The following CCNL1 variants were observed in gnomAD, a reference collection of about 807,000 sequenced individuals.
CCNL1 encodes cyclin L1.
Under a neutral mutation model 60.6 loss-of-function variants are expected in CCNL1, and 13 were observed. The observed-to-expected ratio is 0.21, with a 90% confidence interval of 0.14 to 0.34. CCNL1 has a LOEUF of 0.34. Among genes scored for constraint, CCNL1 ranks in the 10% least tolerant of loss-of-function variants. The pLI, the probability that CCNL1 is intolerant of heterozygous loss-of-function variation, is 1.00. For missense variants in CCNL1, 481 were observed against 664.3 expected (o/e 0.72, Z 3.03); for synonymous variants, 270 against 244.3 (o/e 1.10, Z -0.98).
intron 1 of CCNL1, 121 bp downstream of exon 1, chr3:157,159,671 C>T: frequency 2.7e-6 from 3 of 1,119,410 alleles, no homozygotes; most frequent in Non-Finnish European, 3.7e-6. Context: ...GGCTGGGCCC[C>T]GAACGGGAAA....
At chr3:157,153,392 C>T (rs996437402) in intron 3 of CCNL1, 50 of 383,546 alleles carry the variant, frequency 1.3e-4, no homozygotes, top group Non-Finnish European at 2.1e-4. Context: ...AAAATTCACT[C>T]TAATGTTCTT....
intron 2 of CCNL1, 36 bp downstream of exon 2, chr3:157,159,369 G>A (rs1738880199): frequency 6.3e-7 from 1 of 1,599,262 alleles, no homozygotes; most frequent in African/African-American, 1.3e-5. Flanking sequence ...ATTTCCGGAT[G>A]AAGAAATCCC....
At chr3:157,152,351 C>T (rs1577072450) in intron 4 of CCNL1, 110 bp from the exon 5 acceptor site, 8 of 1,488,252 alleles carry the variant, frequency 5.4e-6, no homozygotes, top group East Asian at 2.4e-5. Flanking sequence ...AATTGTGCAT[C>T]GATAATACAG....
chr3:157,152,112 C>T (rs970226519), intron 5 of CCNL1, 65 bp downstream of exon 5: 9 of 1,577,426 alleles, frequency 5.7e-6, no homozygotes, highest in African/African-American at 4.1e-5. Flanking sequence ...AAAGGGAAAA[C>T]GAAACTTACT....
chr3:157,152,691 T>A lies in CCNL1; in HGVS notation c.609+345A>T, dbSNP rs1179336133. On this transcript the variant is annotated intron_variant, in intron 4 of 10. Coordinates refer to ENST00000295926, the MANE Select transcript of CCNL1 (RefSeq NM_020307.4). ...CACTTAGAACATTCTACTATGATGA[T>A]AAGTGTGCCAGATACTTTTGTAGCT... The A allele has an allele frequency of 2.7e-6, 3 of 1,116,672 alleles. No homozygotes were observed. In the Admixed American group the frequency reaches 1.5e-4, roughly 55 times the overall value. 69.2% of individuals were successfully genotyped at this position (1,116,672 alleles called of 1,614,324 possible). A position where few individuals can be genotyped will look rare whatever the true frequency, so the allele number is the denominator to read the frequency against.
intron 3 of CCNL1, among the ~76,000 whole-genome samples, chr3:157,156,197 G>A (rs1430245239): frequency 6.6e-6 from 1 of 152,198 alleles, no homozygotes; most frequent in Non-Finnish European, 1.5e-5. Flanking sequence ...GAGGCATACT[G>A]CCAAGCAATA....
At position 157,159,981 on chromosome 3, in the gene CCNL1, TCCCGTCGTGGTC is replaced by T. The variant is rs773413695; in HGVS notation, c.102_113del (p.Thr35_Gly38del). On this transcript the variant is annotated inframe_deletion, in exon 1 of 11. Coordinates refer to ENST00000295926, the MANE Select transcript of CCNL1 (RefSeq NM_020307.4). ...ACAGGCGATCGCCGATCAGGATCCC[TCCCGTCGTGGTC>T]GTCGTCGTGGTCGTCGTCCCGGAGC... 4.4e-6 allele frequency: 7 copies of T among 1,587,920 alleles called. No homozygotes were observed. In the East Asian group the frequency reaches 1.4e-4, roughly 31 times the overall value.
In CCNL1 at chr3:157,160,073, T is replaced by C. The variant is rs1222975862; in HGVS notation, c.22A>G (p.Thr8Ala). 6 of 1,555,296 alleles carry C rather than the reference T, an allele frequency of 3.9e-6. No homozygotes were observed. The South Asian group carries it at 7.1e-5, about 18-fold the overall frequency. ...GAGGCGGCTGCGGCAGCAGTAGCTG[T>C]CGAATGAGGCCCGGACGCCATAGTC... The part of the protein sequence containing the change: MASGPHS[T>A]ATAAAAASSA... The change falls in exon 1 of 11, where the codon ACA becomes GCA. Residue 8 changes from threonine to alanine, a missense_variant. By Grantham distance (58) the Thr-to-Ala change is moderately conservative. Coordinates refer to ENST00000295926, the MANE Select transcript of CCNL1 (RefSeq NM_020307.4).
In CCNL1 at chr3:157,160,089, C is replaced by A. The variant is rs1426891925; in HGVS notation, c.6G>T (p.Ala2=). The A allele has an allele frequency of 6.5e-7, 1 of 1,548,256 alleles. No homozygotes were observed. Among genetic ancestry groups the A allele is most frequent in the East Asian group, 2.4e-5 (1 of 41,148 alleles). Residue 2 remains alanine (A), a synonymous_variant, in exon 1 of 11, where the codon GCG becomes GCT. Transcript: ENST00000295926. M[A]SGPHSTATAA... ...CAGTAGCTGTCGAATGAGGCCCGGA[C>A]GCCATAGTCTTAGCGAGCCGCACGC...
chr3:157,143,844 C>A (rs887215424), downstream of CCNL1, among the ~76,000 whole-genome samples: 13 of 151,996 alleles, frequency 8.6e-5, no homozygotes, highest in African/African-American at 3.1e-4. Context: ...ACAGAAAAAG[C>A]GAGGTTGATG....
At position 157,149,397 on chromosome 3, in the gene CCNL1, C is replaced by A. The variant is rs372023879; in HGVS notation, c.1134-12G>T. 3.7e-6 allele frequency: 6 copies of A among 1,612,476 alleles called. No homozygotes were observed. In the African/African-American group the frequency reaches 8.0e-5, roughly 22 times the overall value. On this transcript the variant is annotated splice_polypyrimidine_tract_variant and intron_variant, in intron 9 of 10. Coordinates refer to ENST00000295926, the MANE Select transcript of CCNL1 (RefSeq NM_020307.4). ...TGTCTTTTCTTACACTTCAAAAAAT[C>A]ATGACATATTAGTTACAAACTTAGT...
downstream of CCNL1, among the ~76,000 whole-genome samples, chr3:157,147,110 T>C (rs1276536225): frequency 6.6e-6 from 1 of 152,226 alleles, no homozygotes; most frequent in Admixed American, 6.5e-5. Context: ...TGTGGGTGTA[T>C]TTTATTTCTT....
In CCNL1 at chr3:157,148,164, T is replaced by C; in HGVS notation, c.*77A>G. The C allele has an allele frequency of 6.6e-7, 1 of 1,519,252 alleles. No individual in the cohort carries two copies. 94.1% of individuals were successfully genotyped at this position (1,519,252 alleles called of 1,614,324 possible). A position where few individuals can be genotyped will look rare whatever the true frequency, so the allele number is the denominator to read the frequency against. On this transcript the variant is annotated 3_prime_UTR_variant, in exon 11 of 11. Transcript: ENST00000295926. ...CAAATCCTAATCAGTTTGCGTTTAA[T>C]GTTTTTGATTGAGTCCATACATCAC...
chr3:157,151,515 T>A, intron 5 of CCNL1: 1 of 985,912 alleles, frequency 1.0e-6, no homozygotes, highest in Non-Finnish European at 1.2e-6. Flanking sequence ...TTATATAAAT[T>A]AAGCCAGTGT....
chr3:157,152,485 A>G, intron 4 of CCNL1: 2 of 1,198,286 alleles, frequency 1.7e-6, no homozygotes, highest in Non-Finnish European at 2.1e-6. Flanking sequence ...AATATTTTTC[A>G]TTGGCACTTT....
intron 3 of CCNL1, chr3:157,154,036 G>A (rs2108125593): frequency 6.6e-6 from 1 of 152,146 alleles, no homozygotes; most frequent in East Asian, 1.9e-4. Context: ...ACATATTCAA[G>A]GGCTCTGTAC....
At chr3:157,149,642 G>C in intron 8 of CCNL1, 46 bp from the exon 9 acceptor site, 8 of 1,559,356 alleles carry the variant, frequency 5.1e-6, no homozygotes, top group African/African-American at 1.4e-5. Flanking sequence ...GGATTTAACA[G>C]AGGGCCAAAA....
chr3:157,159,831 C>T lies in CCNL1; in HGVS notation c.264G>A (p.Glu88=). ...SETDLRILGC[E]LIQAAGILLR... ...GGAGAATGCCGGCGGCCTGGATGAG[C>T]TCGCAGCCCAGGATGCGTAAGTCCG... Residue 88 remains glutamate, a synonymous_variant, in exon 1 of 11, where the codon GAG becomes GAA. Transcript: ENST00000295926. 1 of 1,547,908 alleles carries T rather than the reference C, an allele frequency of 6.5e-7. No individual in the cohort carries two copies. Among genetic ancestry groups the T allele is most frequent in the East Asian group, 2.4e-5 (1 of 40,996 alleles).
Position 157,152,257 on chromosome 3 carries a change from A to G in CCNL1, c.610-16T>C. The G allele has an allele frequency of 6.2e-7, 1 of 1,603,356 alleles. No homozygotes were observed. ...TAACAATGATCTGAAGGACAAGGGAAAAAAACTCAATTCAGTATACTGGTA... is the reference window on the plus strand; with the variant it reads ...TAACAATGATCTGAAGGACAAGGGAGAAAAACTCAATTCAGTATACTGGTA... On this transcript the variant is annotated splice_polypyrimidine_tract_variant and intron_variant, in intron 4 of 10. Coordinates refer to ENST00000295926, the MANE Select transcript of CCNL1 (RefSeq NM_020307.4).
Sources: gnomAD v4.1 joint callset for allele counts (sites outside exome capture counted in the v4.1 genomes callset) on GRCh38, gnomAD v4.1.1 for gene constraint, MANE v1.5 for transcripts, NCBI Gene and HGNC (gene_info 2026-07-23, HGNC 2026-07-21) for gene names.